The following SULT2B1 variants were observed in gnomAD, a reference collection of about 807,000 sequenced individuals.
SULT2B1 encodes sulfotransferase family 2B member 1, also known as sulfotransferase 2B1.
SULT2B1 carries 16 observed loss-of-function variants against 33.2 expected under a neutral mutation model. That is an observed-to-expected ratio of 0.48 (90% CI 0.33 to 0.73). SULT2B1 has a LOEUF of 0.73. Ranked by LOEUF, SULT2B1 falls within the 30% of genes least tolerant of loss-of-function variation. The pLI is 0.02. For synonymous variants in SULT2B1, 186 were observed against 200.5 expected (o/e 0.93, Z 0.61); for missense variants, 500 against 506.0 (o/e 0.99, Z 0.11).
chr19:48,558,465 C>T (rs943578373), intron 1 of SULT2B1, among the ~76,000 whole-genome samples: 1 of 151,988 alleles, frequency 6.6e-6, no homozygotes, highest in South Asian at 2.1e-4. Flanking sequence ...AGGAGAGCTG[C>T]GGTGGCCGCT....
intron 3 of SULT2B1, among the ~76,000 whole-genome samples, chr19:48,589,966 TTTTTTC>T (rs1201980669): frequency 1.3e-5 from 2 of 151,940 alleles, no homozygotes; most frequent in African/African-American, 2.4e-5. Context: ...GTTTCTTTTC[TTTTTTC>T]TTTTTCTTTC....
chr19:48,599,192 G>T lies in SULT2B1; in HGVS notation c.884G>T (p.Arg295Leu). The T allele has an allele frequency of 6.2e-7, 1 of 1,603,714 alleles. No individual in the cohort carries two copies. Among genetic ancestry groups the T allele is most frequent in the Non-Finnish European group, 8.5e-7 (1 of 1,177,360 alleles). The change falls in exon 7 of 7, where the codon CGT becomes CTT. Residue 295 changes from arginine (R) to leucine (L), a missense_variant. By Grantham distance (102) the Arg-to-Leu change is moderately radical. Transcript: ENST00000201586. The surrounding 1 kb of genome is among the most constrained non-coding windows in gnomAD (Gnocchi z 4.1). Reference protein sequence around the residue: ...FTVAQSEAFDRAYRKQMRGMP... With the variant: ...FTVAQSEAFDLAYRKQMRGMP... ...GTGGCCCAGAGCGAAGCCTTCGATC[G>T]TGCCTACCGCAAGCAGATGCGGGGG... is the stretch of plus-strand genomic sequence containing the variant.
intron 6 of SULT2B1, among the ~76,000 whole-genome samples, chr19:48,598,632 G>T (rs1012558347): frequency 6.6e-6 from 1 of 151,986 alleles, no homozygotes; most frequent in Non-Finnish European, 1.5e-5. Context: ...CCTGAGGCTC[G>T]CTTGCTGCGC....
At chr19:48,561,336 G>A (rs1329379190) in intron 1 of SULT2B1, among the ~76,000 whole-genome samples, 2 of 151,916 alleles carry the variant, frequency 1.3e-5, no homozygotes, top group Non-Finnish European at 2.9e-5. Context: ...GGCTGAGGCA[G>A]GAGACTCGCT....
chr19:48,573,570 G>T (rs1401789767), intron 1 of SULT2B1, among the ~76,000 whole-genome samples: 4 of 152,054 alleles, frequency 2.6e-5, no homozygotes, highest in Non-Finnish European at 5.9e-5. Flanking sequence ...AGAGTGGCAG[G>T]GTCGGGGGAC....
chr19:48,576,127 A>T, intron 2 of SULT2B1, 44 bp downstream of exon 2: 4,719 of 992,650 alleles, frequency 4.8e-3, no homozygotes, highest in Non-Finnish European at 6.7e-3. Context: ...GAGAGTGGGG[A>T]GGGGGTGCGG....
intron 1 of SULT2B1, among the ~76,000 whole-genome samples, chr19:48,569,815 C>T (rs1427041222): frequency 2.6e-5 from 4 of 151,804 alleles, no homozygotes; most frequent in Admixed American, 6.6e-5. Context: ...TATAAGCATG[C>T]GCCACCACGC....
chr19:48,572,396 C>T (rs563942936), intron 1 of SULT2B1, among the ~76,000 whole-genome samples: 14 of 152,258 alleles, frequency 9.2e-5, no homozygotes, highest in African/African-American at 3.1e-4. Context: ...ACCTGTAGTG[C>T]TAGCTACTAG....
At chr19:48,562,368 A>G (rs1316220165) in intron 1 of SULT2B1, among the ~76,000 whole-genome samples, 1 of 151,606 alleles carries the variant, frequency 6.6e-6, no homozygotes, top group Admixed American at 6.6e-5. Context: ...CCTGGGCAAC[A>G]AGAGCGAAAC....
At position 48,552,710 on chromosome 19, in the gene SULT2B1, C is replaced by T. The variant is rs1258288226; in HGVS notation, c.71+387C>T. ...CCTGTAGTACCCAGGACACCCCATG[C>T]AAGCCCTGAAATAACGGGGGTGCTT... On this transcript the variant is annotated intron_variant, in intron 1 of 6. Coordinates refer to ENST00000201586, the MANE Select transcript of SULT2B1 (RefSeq NM_177973.2). The surrounding 1 kb of genome is among the most constrained non-coding windows in gnomAD (Gnocchi z 4.8). 6.6e-6 allele frequency among the ~76,000 whole-genome samples: 1 copy of T among 152,152 alleles called. No homozygotes were observed. The highest frequency in any genetic ancestry group is 2.4e-5 in the African/African-American group (1 of 41,442).
chr19:48,572,885 G>A (rs1009945639), intron 1 of SULT2B1, among the ~76,000 whole-genome samples: 2 of 152,088 alleles, frequency 1.3e-5, no homozygotes, highest in African/African-American at 2.4e-5. Flanking sequence ...TGCTGGGCAC[G>A]GTGGCTCATG....
At chr19:48,571,487 G>A (rs1264351774) in intron 1 of SULT2B1, among the ~76,000 whole-genome samples, 1 of 151,944 alleles carries the variant, frequency 6.6e-6, no homozygotes, top group African/African-American at 2.4e-5. Flanking sequence ...TTGAGCCACA[G>A]TGCCCAGCCT....
At chr19:48,571,706 G>T (rs2379089) in intron 1 of SULT2B1, among the ~76,000 whole-genome samples, 97,206 of 150,746 alleles carry the variant, frequency 0.64, 32,101 homozygotes, top group African/African-American at 0.74. Context: ...GGAGAAGATG[G>T]TCAATAAACC....
chr19:48,568,881 C>G (rs1314228858), intron 1 of SULT2B1, among the ~76,000 whole-genome samples: 2 of 121,438 alleles, frequency 1.6e-5, no homozygotes, highest in African/African-American at 5.2e-5. Flanking sequence ...CAGCAGCCCA[C>G]CACTCACTTC....
At chr19:48,592,438 TCTG>T (rs1175446825) in intron 4 of SULT2B1, among the ~76,000 whole-genome samples, 1 of 152,228 alleles carries the variant, frequency 6.6e-6, no homozygotes, top group Non-Finnish European at 1.5e-5. Flanking sequence ...TGTTCCTTTC[TCTG>T]CTGCTGTCAG....
intron 1 of SULT2B1, among the ~76,000 whole-genome samples, chr19:48,558,877 G>C (rs1463775623): frequency 6.6e-6 from 1 of 151,558 alleles, no homozygotes; most frequent in Non-Finnish European, 1.5e-5. Context: ...GTTGAGACAG[G>C]GTTTCACCAT....
intron 1 of SULT2B1, among the ~76,000 whole-genome samples, chr19:48,554,896 C>T (rs1215013911): frequency 2.0e-5 from 3 of 151,686 alleles, no homozygotes; most frequent in South Asian, 2.1e-4. Context: ...AAGCAGGGCA[C>T]GGCCAGGATT....
chr19:48,558,689 T>C (rs1056078381), intron 1 of SULT2B1, among the ~76,000 whole-genome samples: 3 of 143,108 alleles, frequency 2.1e-5, no homozygotes, highest in East Asian at 2.0e-4. Flanking sequence ...CTTTTTTTTT[T>C]TTTTTTTTTT....
chr19:48,588,669 G>A (rs972777688), intron 3 of SULT2B1, among the ~76,000 whole-genome samples: 22 of 151,636 alleles, frequency 1.5e-4, no homozygotes, highest in African/African-American at 5.3e-4. Context: ...ATTTACATTG[G>A]GGGGAGAGGG....
Sources: allele counts gnomAD v4.1 joint callset (sites outside exome capture counted in the v4.1 genomes callset), GRCh38; gene constraint gnomAD v4.1.1; non-coding constraint Gnocchi (gnomAD v3.1); transcripts MANE v1.5; gene names NCBI Gene and HGNC (gene_info 2026-07-23, HGNC 2026-07-21).